Variants in PEBP4 observed in about 807,000 individuals in gnomAD.
PEBP4 encodes phosphatidylethanolamine binding protein 4.
Under a neutral mutation model 23.9 loss-of-function variants are expected in PEBP4, and 22 were observed. The observed-to-expected ratio is 0.92, with a 90% CI of 0.66 to 1.31. The LOEUF is 1.31. Ranked by LOEUF, PEBP4 falls within the 40% of genes most tolerant of loss-of-function variation. PEBP4 has a pLI of 0.00. For missense variants in PEBP4, 324 were observed against 281.7 expected (o/e 1.15, Z -1.07); for synonymous variants, 112 against 99.3 (o/e 1.13, Z -0.76).
chr8:22,925,294 C>G, intron 2 of PEBP4: 7 of 985,346 alleles, frequency 7.1e-6, no homozygotes, highest in Non-Finnish European at 8.4e-6. Context: ...TCTGGGAGTC[C>G]TGAGAATGGG....
intron 1 of PEBP4, among the ~76,000 whole-genome samples, chr8:22,939,314 T>C (rs563804586): frequency 6.6e-6 from 1 of 152,122 alleles, no homozygotes; most frequent in East Asian, 1.9e-4. Flanking sequence ...TGAGAGAAGA[T>C]TTTGCCCTTA....
chr8:22,732,076 G>A (rs560822798), intron 4 of PEBP4, among the ~76,000 whole-genome samples: 2 of 152,202 alleles, frequency 1.3e-5, no homozygotes, highest in South Asian at 4.2e-4. Flanking sequence ...AAAAGCCCAG[G>A]ATGGGTTTTT....
intron 1 of PEBP4, among the ~76,000 whole-genome samples, chr8:22,933,992 T>G (rs552456144): frequency 2.4e-4 from 36 of 152,236 alleles, no homozygotes; most frequent in Non-Finnish European, 4.4e-4. Flanking sequence ...TGTGCAGAAA[T>G]CACACAGTGA....
intron 4 of PEBP4, among the ~76,000 whole-genome samples, chr8:22,777,718 C>T (rs758519285): frequency 6.6e-6 from 1 of 152,176 alleles, no homozygotes; most frequent in African/African-American, 2.4e-5. Context: ...CTCCAAGCCC[C>T]CAGCCTTCCT....
intron 3 of PEBP4, among the ~76,000 whole-genome samples, chr8:22,832,737 GT>G (rs751604878): frequency 9.3e-4 from 142 of 152,318 alleles, no homozygotes; most frequent in Non-Finnish European, 1.6e-3. Flanking sequence ...GGTGGGGACT[GT>G]TTTTATTTTC....
intron 3 of PEBP4, among the ~76,000 whole-genome samples, chr8:22,910,461 A>G (rs550088582): frequency 6.6e-6 from 1 of 152,388 alleles, no homozygotes; most frequent in East Asian, 1.9e-4. Context: ...ACAAACAAGA[A>G]AATGAATGGT....
intron 3 of PEBP4, among the ~76,000 whole-genome samples, chr8:22,833,252 C>T (rs930031066): frequency 2.6e-5 from 4 of 152,158 alleles, no homozygotes; most frequent in Non-Finnish European, 5.9e-5. Context: ...AAAACAGGGC[C>T]CTTGACTCCT....
intron 3 of PEBP4, among the ~76,000 whole-genome samples, chr8:22,902,139 A>G (rs1021877727): frequency 6.6e-6 from 1 of 152,090 alleles, no homozygotes; most frequent in African/African-American, 2.4e-5. Context: ...ACCAACATGG[A>G]CAAACCCCTA....
At chr8:22,770,944 T>C (rs1805706497) in intron 4 of PEBP4, among the ~76,000 whole-genome samples, 1 of 152,182 alleles carries the variant, frequency 6.6e-6, no homozygotes, top group Non-Finnish European at 1.5e-5. Context: ...TGCCCACCCA[T>C]AAAATGGGAT....
At chr8:22,908,390 AAAC>A (rs1451531877) in intron 3 of PEBP4, among the ~76,000 whole-genome samples, 7 of 142,604 alleles carry the variant, frequency 4.9e-5, no homozygotes, top group South Asian at 2.2e-4. Context: ...ACAAACAAAC[AAAC>A]AAAAAAAAAA....
In PEBP4 at chr8:22,865,958, G is replaced by T. The variant is rs1032897440; in HGVS notation, c.259-48223C>A. On this transcript the variant is annotated intron_variant, in intron 3 of 6. Transcript: ENST00000256404. This position sits in a 1 kb window ranked among gnomAD's most constrained non-coding sequence, Gnocchi z 6.9. Reference sequence around the variant, plus strand: ...GGCCCGGCGCCGGGCGGTGCTGCCCGGAGAGCGCGCAGCCCCCAGCCGGCC... The same window carrying T: ...GGCCCGGCGCCGGGCGGTGCTGCCCTGAGAGCGCGCAGCCCCCAGCCGGCC... Among the ~76,000 whole-genome samples the T allele has an allele frequency of 2.6e-5, 4 of 151,924 alleles. No individual in the cohort carries two copies. Among genetic ancestry groups the T allele is most frequent in the African/African-American group, 9.7e-5 (4 of 41,390 alleles).
intron 4 of PEBP4, among the ~76,000 whole-genome samples, chr8:22,797,563 G>A (rs1243686554): frequency 2.6e-5 from 4 of 152,144 alleles, no homozygotes; most frequent in Non-Finnish European, 5.9e-5. Flanking sequence ...AAGGATATTC[G>A]GGGAAGGGGA....
chr8:22,734,897 G>A (rs558812987), intron 4 of PEBP4, among the ~76,000 whole-genome samples: 59 of 152,312 alleles, frequency 3.9e-4, no homozygotes, highest in African/African-American at 1.3e-3. Context: ...CACCCAGAGC[G>A]TCACCACCCT....
chr8:22,879,834 T>C (rs1237733458), intron 3 of PEBP4, among the ~76,000 whole-genome samples: 1 of 152,228 alleles, frequency 6.6e-6, no homozygotes, highest in African/African-American at 2.4e-5. Flanking sequence ...ATTACCAAAA[T>C]TTCTCCATCC....
chr8:22,718,043 C>T (rs1360811800), intron 6 of PEBP4, among the ~76,000 whole-genome samples: 1 of 152,194 alleles, frequency 6.6e-6, no homozygotes, highest in African/African-American at 2.4e-5. Context: ...CTCGTTCCAT[C>T]ACATCCAATT....
chr8:22,843,819 G>A (rs937587284), intron 3 of PEBP4, among the ~76,000 whole-genome samples: 1 of 152,178 alleles, frequency 6.6e-6, no homozygotes, highest in African/African-American at 2.4e-5. Context: ...GGGTGAAGAC[G>A]ATGAAAGAGG....
At chr8:22,769,649 T>G (rs1047537365) in intron 4 of PEBP4, among the ~76,000 whole-genome samples, 10 of 152,096 alleles carry the variant, frequency 6.6e-5, no homozygotes, top group Admixed American at 4.6e-4. Flanking sequence ...CATCTCCCCA[T>G]CACCCAGCCT....
chr8:22,748,468 G>A (rs1563203248), intron 4 of PEBP4, among the ~76,000 whole-genome samples: 1 of 151,748 alleles, frequency 6.6e-6, no homozygotes, highest in Non-Finnish European at 1.5e-5. Flanking sequence ...AGATGCCTGA[G>A]GGGAGAGGGC....
At chr8:22,825,848 A>C (rs1371309877) in intron 3 of PEBP4, among the ~76,000 whole-genome samples, 1 of 152,264 alleles carries the variant, frequency 6.6e-6, no homozygotes, top group Non-Finnish European at 1.5e-5. Context: ...ATGGAACACT[A>C]TTCAGCCTTA....
Sources: gnomAD v4.1 joint callset for allele counts (sites outside exome capture counted in the v4.1 genomes callset) on GRCh38, gnomAD v4.1.1 for gene constraint, Gnocchi (gnomAD v3.1) non-coding constraint, MANE v1.5 for transcripts, NCBI Gene and HGNC (gene_info 2026-07-23, HGNC 2026-07-21) for gene names.